The following MARCHF1 variants were observed in gnomAD, a reference collection of about 807,000 sequenced individuals.
MARCHF1 encodes membrane associated ring-CH-type finger 1.
MARCHF1 carries 40 observed loss-of-function variants against 54.2 expected under a neutral mutation model. That is an observed-to-expected ratio of 0.74 (90% CI 0.57 to 0.96). The LOEUF is 0.96. Ranked by LOEUF, MARCHF1 falls within the 40% of genes least tolerant of loss-of-function variation. The probability of loss-of-function intolerance (pLI) is 0.00; values close to 1 mark genes in which losing one functional copy is unlikely to be tolerated. For missense variants in MARCHF1, 586 were observed against 656.5 expected (o/e 0.89, Z 1.17); for synonymous variants, 236 against 236.3 (o/e 1.00, Z 0.01).
chr4:163,569,296 G>A (rs1224435279), intron 8 of MARCHF1, among the ~76,000 whole-genome samples: 1 of 152,048 alleles, frequency 6.6e-6, no homozygotes, highest in Non-Finnish European at 1.5e-5. Flanking sequence ...ACGCTGTAAT[G>A]TCTCTGTCTA....
intron 1 of MARCHF1, among the ~76,000 whole-genome samples, chr4:164,284,299 A>T (rs1734091675): frequency 6.7e-6 from 1 of 149,508 alleles, no homozygotes; most frequent in South Asian, 2.1e-4. Flanking sequence ...TTTTTAATGC[A>T]GTCCTTAAGC....
chr4:163,569,264 A>C (rs1239270338), intron 8 of MARCHF1, among the ~76,000 whole-genome samples: 2 of 152,130 alleles, frequency 1.3e-5, no homozygotes, highest in Non-Finnish European at 2.9e-5. Context: ...GCTACAGTTC[A>C]ATCAGCTGGG....
At chr4:163,833,593 T>TGCA (rs1749093136) in intron 4 of MARCHF1, among the ~76,000 whole-genome samples, 1 of 152,092 alleles carries the variant, frequency 6.6e-6, no homozygotes, top group Admixed American at 6.6e-5. Flanking sequence ...AAGACATTTA[T>TGCA]GCAGCCAAAA....
chr4:163,888,769 G>GT (rs1054242258), intron 3 of MARCHF1, among the ~76,000 whole-genome samples: 1 of 152,060 alleles, frequency 6.6e-6, no homozygotes, highest in Non-Finnish European at 1.5e-5. Flanking sequence ...CCCTCTGAAG[G>GT]TTTTTTGGTT....
At chr4:163,549,244 C>G (rs1199113629) in intron 8 of MARCHF1, among the ~76,000 whole-genome samples, 2 of 152,052 alleles carry the variant, frequency 1.3e-5, no homozygotes, top group African/African-American at 4.8e-5. Context: ...CACATGCCCC[C>G]TAGAAAATAC....
chr4:163,896,068 G>A (rs762492526), intron 3 of MARCHF1, among the ~76,000 whole-genome samples: 5 of 152,060 alleles, frequency 3.3e-5, no homozygotes, highest in South Asian at 2.1e-4. Context: ...AATACCATGC[G>A]TAACCATTTC....
intron 4 of MARCHF1, among the ~76,000 whole-genome samples, chr4:163,840,466 TG>T (rs1749305462): frequency 1.3e-5 from 2 of 152,178 alleles, no homozygotes; most frequent in African/African-American, 2.4e-5. Context: ...TGCTGAAGTT[TG>T]GGGTACAACT....
intron 3 of MARCHF1, among the ~76,000 whole-genome samples, chr4:163,864,048 G>T (rs1320598656): frequency 2.6e-5 from 4 of 151,972 alleles, no homozygotes; most frequent in African/African-American, 9.7e-5. Flanking sequence ...GAAATAAATG[G>T]AGGAGAAAGA....
In MARCHF1 at chr4:164,224,896, A is replaced by G. The variant is rs550776901; in HGVS notation, c.-322-113234T>C. On this transcript the variant is annotated intron_variant, in intron 1 of 9. Coordinates refer to ENST00000514618, the MANE Select transcript of MARCHF1 (RefSeq NM_001394959.1). Reference sequence around the variant, plus strand: ...ATGCTGAGTTTTTCTTTGTGTGGTAAAAGTTTAGGGTTTTTTTAAGCATCT... The same window carrying G: ...ATGCTGAGTTTTTCTTTGTGTGGTAGAAGTTTAGGGTTTTTTTAAGCATCT... 5.8e-4 allele frequency among the ~76,000 whole-genome samples: 89 copies of G among 152,188 alleles called. No homozygotes were observed. In the South Asian group the frequency reaches 0.018, roughly 30 times the overall value.
At chr4:164,077,256 C>T (rs1298080701) in intron 2 of MARCHF1, among the ~76,000 whole-genome samples, 2 of 152,008 alleles carry the variant, frequency 1.3e-5, no homozygotes, top group Non-Finnish European at 2.9e-5. Context: ...CTTTGACAAA[C>T]CTGACAAAAA....
intron 1 of MARCHF1, among the ~76,000 whole-genome samples, chr4:164,151,508 G>A (rs1328661835): frequency 6.6e-6 from 1 of 152,086 alleles, no homozygotes; most frequent in Non-Finnish European, 1.5e-5. Context: ...TACTTCCTAT[G>A]TTGTACTTGT....
At chr4:163,894,803 TATATACATGCATGTGATGC>T (rs1750755945) in intron 3 of MARCHF1, among the ~76,000 whole-genome samples, 1 of 99,908 alleles carries the variant, frequency 1.0e-5, no homozygotes, top group Admixed American at 8.9e-5. Context: ...GTGATGCATA[TATATACATGCATGTGATGC>T]ATATATATAT....
intron 8 of MARCHF1, among the ~76,000 whole-genome samples, chr4:163,564,068 T>C (rs1278360725): frequency 1.3e-5 from 2 of 152,236 alleles, no homozygotes; most frequent in Non-Finnish European, 2.9e-5. Flanking sequence ...GGAGTACACA[T>C]TGTCCTTATG....
Position 163,528,767 on chromosome 4 carries a change from G to C in MARCHF1, c.1619C>G (p.Pro540Arg). Reference sequence around the variant, plus strand: ...GTTCCATCAGACTGATACAACTTCAGGGGGGCCACCCTCTGCAGATGGCAG... The same window carrying C: ...GTTCCATCAGACTGATACAACTTCACGGGGGCCACCCTCTGCAGATGGCAG... The part of the protein sequence containing the change: ...NSLPSAEGGP[P>R]EVVSV Residue 540 changes from proline (P) to arginine (R), a missense_variant, in exon 10 of 10, where the codon CCT becomes CGT. Pro to Arg is a moderately radical substitution (Grantham distance 103). Coordinates refer to ENST00000514618, the MANE Select transcript of MARCHF1 (RefSeq NM_001394959.1). 6.2e-7 allele frequency: 1 copy of C among 1,611,204 alleles called. No homozygotes were observed.
chr4:163,803,683 T>C (rs1233960450), intron 4 of MARCHF1, among the ~76,000 whole-genome samples: 3 of 152,200 alleles, frequency 2.0e-5, no homozygotes, highest in Admixed American at 6.5e-5. Flanking sequence ...GTCAGTTATT[T>C]TTTTCTCTCA....
intron 1 of MARCHF1, among the ~76,000 whole-genome samples, chr4:164,182,467 C>T (rs1427497732): frequency 6.6e-6 from 1 of 151,904 alleles, no homozygotes; most frequent in Admixed American, 6.6e-5. Flanking sequence ...AAGCAACTTG[C>T]AAAGAAATAT....
At chr4:163,689,136 C>G (rs1415725889) in intron 5 of MARCHF1, among the ~76,000 whole-genome samples, 1 of 152,280 alleles carries the variant, frequency 6.6e-6, no homozygotes. Context: ...CACAATACCA[C>G]AGTTACAACA....
intron 8 of MARCHF1, among the ~76,000 whole-genome samples, chr4:163,546,818 A>AT (rs2110923056): frequency 6.6e-6 from 1 of 152,354 alleles, no homozygotes; most frequent in South Asian, 2.1e-4. Context: ...TATGGTCTCC[A>AT]TAAGGGAATA....
intron 3 of MARCHF1, among the ~76,000 whole-genome samples, chr4:163,954,430 A>T (rs1449310082): frequency 1.3e-5 from 2 of 152,198 alleles, no homozygotes; most frequent in East Asian, 3.8e-4. Context: ...TAATGAGGTG[A>T]CATTTAGAGA....
Sources: allele counts gnomAD v4.1 joint callset (sites outside exome capture counted in the v4.1 genomes callset), GRCh38; gene constraint gnomAD v4.1.1; transcripts MANE v1.5; gene names NCBI Gene and HGNC (gene_info 2026-07-23, HGNC 2026-07-21).